PRR5L: variants seen among roughly 807,000 people sequenced by gnomAD.
The protein encoded by PRR5L is proline rich 5 like.
A neutral mutation model predicts 36.4 loss-of-function variants in PRR5L; 21 were observed. That is an observed-to-expected ratio of 0.58 (90% confidence interval 0.41 to 0.83). The LOEUF is 0.83. Among genes scored for constraint, PRR5L ranks in the 40% least tolerant of loss-of-function variants. The pLI is 0.00. For synonymous variants in PRR5L, 188 were observed against 197.0 expected, an observed-to-expected ratio of 0.95 and a Z score of 0.38; for missense variants, 381 against 473.3, an observed-to-expected ratio of 0.80 and a Z score of 1.81.
rs1222281256 is a variant in PRR5L at position 36,296,298 on chromosome 11, C to A, written c.-266C>A. 1 of 152,224 alleles carries A rather than the reference C, an allele frequency of 6.6e-6. No individual in the cohort carries two copies. The highest frequency in any genetic ancestry group is 1.5e-5 in the Non-Finnish European group (1 of 68,098). 9.4% of individuals were successfully genotyped at this position (152,224 alleles called of 1,614,324 possible). ...GCCTGCTTCTCTGTCAGTCTTCAGGCCCCAGGTCAGTGAGTGGCAAGCCAG... is the reference window on the plus strand; with the variant it reads ...GCCTGCTTCTCTGTCAGTCTTCAGGACCCAGGTCAGTGAGTGGCAAGCCAG... On this transcript the variant is annotated 5_prime_UTR_variant, in exon 1 of 9. Coordinates refer to ENST00000530639, the MANE Select transcript of PRR5L (RefSeq NM_001160167.2).
At chr11:36,325,319 C>A (rs976816569) in intron 1 of PRR5L, among the ~76,000 whole-genome samples, 5 of 152,246 alleles carry the variant, frequency 3.3e-5, no homozygotes, top group African/African-American at 1.2e-4. Context: ...AGACACCCTG[C>A]TGGATCTGGA....
At chr11:36,411,830 C>T (rs1858033963) in intron 3 of PRR5L, among the ~76,000 whole-genome samples, 1 of 152,138 alleles carries the variant, frequency 6.6e-6, no homozygotes, top group African/African-American at 2.4e-5. Flanking sequence ...TTATGAATTT[C>T]TCCTGGGTCC....
intron 1 of PRR5L, among the ~76,000 whole-genome samples, chr11:36,345,190 A>G (rs1429307772): frequency 6.6e-6 from 1 of 152,094 alleles, no homozygotes; most frequent in Non-Finnish European, 1.5e-5. Context: ...AAGTCAGTTT[A>G]TCTTCCCAAA....
intron 8 of PRR5L, 72 bp downstream of exon 8, chr11:36,451,407 G>A: frequency 1.3e-6 from 2 of 1,556,346 alleles, no homozygotes; most frequent in African/African-American, 1.4e-5. Flanking sequence ...ACTGAGCACT[G>A]TTTAACTGAG....
At chr11:36,444,204 G>T (rs955899208) in intron 6 of PRR5L, among the ~76,000 whole-genome samples, 1 of 152,218 alleles carries the variant, frequency 6.6e-6, no homozygotes, top group African/African-American at 2.4e-5. Flanking sequence ...ACAAGTGAGG[G>T]AGGTCAATAT....
chr11:36,322,250 G>C (rs979359535), intron 1 of PRR5L, among the ~76,000 whole-genome samples: 2 of 152,194 alleles, frequency 1.3e-5, no homozygotes, highest in African/African-American at 4.8e-5. Context: ...AAAATCTTCT[G>C]TGTGCCTGAC....
At chr11:36,408,088 GCATGGCAAAACCCTGACT>G (rs1435418137) in intron 3 of PRR5L, among the ~76,000 whole-genome samples, 1 of 152,094 alleles carries the variant, frequency 6.6e-6, no homozygotes, top group Non-Finnish European at 1.5e-5. Flanking sequence ...AGCCTGGCCA[GCATGGCAAAACCCTGACT>G]CTACTAAAAA....
rs566868320 is a variant in PRR5L at position 36,403,513 on chromosome 11, A to G, written c.245+135A>G. On this transcript the variant is annotated intron_variant, in intron 3 of 8. Coordinates refer to ENST00000530639, the MANE Select transcript of PRR5L (RefSeq NM_001160167.2). Reference sequence around the variant, plus strand: ...ATTCTTATTGCTTCTTCTGTCAGCTATGCTGCTTTCATGGCTGTTGCGTTC... The same window carrying G: ...ATTCTTATTGCTTCTTCTGTCAGCTGTGCTGCTTTCATGGCTGTTGCGTTC... 3.2e-5 allele frequency: 20 copies of G among 624,418 alleles called. No homozygotes were observed. In the African/African-American group the frequency reaches 3.6e-4, roughly 11 times the overall value. 38.7% of individuals were successfully genotyped at this position (624,418 alleles called of 1,614,324 possible). A position where few individuals can be genotyped will look rare whatever the true frequency, so the allele number is the denominator to read the frequency against.
At chr11:36,308,578 T>C (rs1856459142) in intron 1 of PRR5L, among the ~76,000 whole-genome samples, 1 of 152,214 alleles carries the variant, frequency 6.6e-6, no homozygotes, top group African/African-American at 2.4e-5. Flanking sequence ...CATTTTAGAT[T>C]TAGAGGACTT....
chr11:36,438,046 A>G (rs1485226007), intron 6 of PRR5L, among the ~76,000 whole-genome samples: 1 of 152,158 alleles, frequency 6.6e-6, no homozygotes, highest in Non-Finnish European at 1.5e-5. Context: ...GCTCCATTGT[A>G]TCTCCTACAA....
chr11:36,463,694 T>A lies in PRR5L; in HGVS notation c.*958T>A, dbSNP rs899472976. On this transcript the variant is annotated 3_prime_UTR_variant, in exon 9 of 9. Transcript: ENST00000530639. Reference sequence around the variant, plus strand: ...TGCACATAGGATCTTGCACTGTTCATTTTCAGTGGGGTGAGTCTTCACACT... The same window carrying A: ...TGCACATAGGATCTTGCACTGTTCAATTTCAGTGGGGTGAGTCTTCACACT... The A allele has an allele frequency of 2.0e-5, 3 of 152,504 alleles. No individual in the cohort carries two copies. Among genetic ancestry groups the A allele is most frequent in the African/African-American group, 7.2e-5 (3 of 41,404 alleles). The allele number at this position is 152,504 out of a possible 1,614,324, so 9.4% of individuals were successfully genotyped here. A position where few individuals can be genotyped will look rare whatever the true frequency, so the allele number is the denominator to read the frequency against.
chr11:36,336,319 TCC>T (rs1856768448), intron 1 of PRR5L, among the ~76,000 whole-genome samples: 1 of 152,184 alleles, frequency 6.6e-6, no homozygotes, highest in Non-Finnish European at 1.5e-5. Flanking sequence ...AACCTCCTTC[TCC>T]TGGGCTCAAG....
chr11:36,401,483 C>T (rs1010912523), intron 2 of PRR5L, among the ~76,000 whole-genome samples, 198 bp downstream of exon 2: 1 of 152,010 alleles, frequency 6.6e-6, no homozygotes, highest in African/African-American at 2.4e-5. Context: ...GGAGTGCAGT[C>T]GTGCAATTAT....
chr11:36,346,813 A>G (rs569529336), intron 1 of PRR5L, among the ~76,000 whole-genome samples: 4 of 152,342 alleles, frequency 2.6e-5, no homozygotes, highest in African/African-American at 7.2e-5. Context: ...AGTACATAGG[A>G]TGGGAATAGG....
intron 6 of PRR5L, among the ~76,000 whole-genome samples, chr11:36,441,532 C>G (rs1858722421): frequency 6.6e-6 from 1 of 152,230 alleles, no homozygotes; most frequent in Non-Finnish European, 1.5e-5. Flanking sequence ...GCCCCTGGGT[C>G]TGCTCTCACA....
At chr11:36,329,495 T>A (rs1856697526) in intron 1 of PRR5L, among the ~76,000 whole-genome samples, 1 of 152,138 alleles carries the variant, frequency 6.6e-6, no homozygotes, top group Non-Finnish European at 1.5e-5. Context: ...ACCCACAGGG[T>A]GAGTCATAGT....
In PRR5L at chr11:36,464,263, T is replaced by C. The variant is rs1477428236; in HGVS notation, c.*1527T>C. 6.6e-6 allele frequency: 1 copy of C among 152,158 alleles called. No individual in the cohort carries two copies. Among genetic ancestry groups the C allele is most frequent in the African/African-American group, 2.4e-5 (1 of 41,416 alleles). The allele number at this position is 152,158 out of a possible 1,614,324, so 9.4% of individuals were successfully genotyped here. On this transcript the variant is annotated 3_prime_UTR_variant, in exon 9 of 9. Transcript: ENST00000530639. ...TGAAATCTCAAAGAGATGAGCCACC[T>C]TGGCTTCCAATATGGCAAGAGGGTG...
intron 1 of PRR5L, among the ~76,000 whole-genome samples, chr11:36,369,059 A>G (rs934533952): frequency 6.6e-6 from 1 of 152,148 alleles, no homozygotes; most frequent in Non-Finnish European, 1.5e-5. Context: ...TTCAGGGTGC[A>G]CAAAAGGAGG....
Position 36,355,734 on chromosome 11 carries a change from T to A in PRR5L, c.-125-45263T>A, listed in dbSNP as rs533937192. On this transcript the variant is annotated intron_variant, in intron 1 of 8. Coordinates refer to ENST00000530639, the MANE Select transcript of PRR5L (RefSeq NM_001160167.2). ...CCAGCTATTTTTTTTAATTTTTTTTTAATTTTTTAGTAGAAATAGGGTTTC... is the reference window on the plus strand; with the variant it reads ...CCAGCTATTTTTTTTAATTTTTTTTAAATTTTTTAGTAGAAATAGGGTTTC... Among the ~76,000 whole-genome samples, 317 of 151,478 alleles carry A rather than the reference T, an allele frequency of 2.1e-3. 1 individual carries two copies. Among genetic ancestry groups the A allele is most frequent in the African/African-American group, 4.2e-3 (174 of 41,254 alleles).
Sources: allele counts gnomAD v4.1 joint callset (sites outside exome capture counted in the v4.1 genomes callset), GRCh38; gene constraint gnomAD v4.1.1; transcripts MANE v1.5; gene names NCBI Gene and HGNC (gene_info 2026-07-23, HGNC 2026-07-21).